The following BOC variants were observed in gnomAD, a reference collection of about 807,000 sequenced individuals.
BOC encodes the protein BOC cell adhesion associated, oncogene regulated.
BOC carries 76 observed loss-of-function variants against 112.0 expected under a neutral mutation model. The ratio of observed to expected loss-of-function variants is 0.68; its 90% confidence interval spans 0.56 to 0.82. The LOEUF (loss-of-function observed/expected upper bound fraction) is 0.82, where lower values mean the gene tolerates loss of function less well. Ranked by LOEUF, BOC falls within the 40% of genes least tolerant of loss-of-function variation. BOC has a pLI of 0.00. For missense variants in BOC, 1,309 were observed against 1,511.7 expected, an observed-to-expected ratio of 0.87 and a Z score of 2.22; for synonymous variants, 580 against 599.8, an observed-to-expected ratio of 0.97 and a Z score of 0.48.
Position 113,230,326 on chromosome 3 carries a change from A to G in BOC, c.-82+14052A>G, listed in dbSNP as rs530092593. On this transcript the variant is annotated intron_variant, in intron 2 of 19. Coordinates refer to ENST00000682979, the MANE Select transcript of BOC (RefSeq NM_001378074.1). The stretch of plus-strand genomic sequence containing the variant: ...TACATTGTGAGAATCTGCCAAACCA[A>G]TCCATCCTGAAACATGGTGGCTAGT... Among the ~76,000 whole-genome samples the G allele has an allele frequency of 4.6e-5, 7 of 152,280 alleles. No individual in the cohort carries two copies. In the South Asian group the frequency reaches 1.5e-3, roughly 32 times the overall value.
intron 2 of BOC, among the ~76,000 whole-genome samples, chr3:113,229,772 A>G (rs569186240): frequency 2.6e-5 from 4 of 152,378 alleles, no homozygotes; most frequent in South Asian, 4.1e-4. Context: ...ATGATACAGT[A>G]AGGAACATCT....
chr3:113,241,810 T>C (rs1476529677), intron 2 of BOC, among the ~76,000 whole-genome samples: 2 of 152,102 alleles, frequency 1.3e-5, no homozygotes, highest in African/African-American at 4.8e-5. Context: ...TGACTGGCAG[T>C]TGAACCCCCT....
At chr3:113,283,709 C>A in intron 16 of BOC, 77 bp downstream of exon 16, 1 of 1,396,032 alleles carries the variant, frequency 7.2e-7, no homozygotes, top group South Asian at 1.2e-5. Context: ...CTGCCTAGGT[C>A]TGTGTCCATG....
chr3:113,218,783 G>A (rs1939988946), intron 2 of BOC, among the ~76,000 whole-genome samples: 3 of 152,210 alleles, frequency 2.0e-5, no homozygotes, highest in Admixed American at 1.3e-4. Context: ...CATTCTATAG[G>A]CTTCTGTTGC....
At chr3:113,233,341 G>A (rs1388325446) in intron 2 of BOC, among the ~76,000 whole-genome samples, 2 of 152,198 alleles carry the variant, frequency 1.3e-5, no homozygotes, top group East Asian at 3.9e-4. Flanking sequence ...ATAAATGTGG[G>A]CCTAGGGCCA....
At chr3:113,236,605 A>G (rs1162982300) in intron 2 of BOC, among the ~76,000 whole-genome samples, 1 of 152,076 alleles carries the variant, frequency 6.6e-6, no homozygotes, top group African/African-American at 2.4e-5. Flanking sequence ...CACACAATGT[A>G]TCCATGTAAC....
At chr3:113,245,980 T>A (rs867444395) in intron 2 of BOC, among the ~76,000 whole-genome samples, 1 of 152,346 alleles carries the variant, frequency 6.6e-6, no homozygotes, top group Middle Eastern at 3.4e-3. Flanking sequence ...TGGGAGGAAG[T>A]GGAGCTGGCC....
intron 15 of BOC, among the ~76,000 whole-genome samples, chr3:113,283,107 C>T (rs1261514129): frequency 1.3e-5 from 2 of 152,188 alleles, no homozygotes; most frequent in African/African-American, 4.8e-5. Flanking sequence ...TTCACCAGTT[C>T]TTCCCAAAAG....
chr3:113,264,299 G>C (rs551020703), intron 4 of BOC, among the ~76,000 whole-genome samples: 2 of 152,204 alleles, frequency 1.3e-5, no homozygotes, highest in Admixed American at 6.5e-5. Context: ...AGAAGGGTGC[G>C]AGGGGAGGGA....
At position 113,279,925 on chromosome 3, in the gene BOC, G is replaced by A. The variant is rs374064359; in HGVS notation, c.2125G>A (p.Val709Met). 18 of 1,613,838 alleles carry A rather than the reference G, an allele frequency of 1.1e-5. No homozygotes were observed. The African/African-American group carries it at 1.6e-4, about 14-fold the overall frequency. ...PYVVSGYSGR[V>M]YERPVAGPYI... is the part of the protein sequence containing the mutation. ...CGTGGTGTCGGGCTACAGCGGTCGC[G>A]TGTACGAGAGGCCCGTGGCAGGTCC... The change falls in exon 13 of 20, where the codon GTG becomes ATG. Residue 709 changes from valine to methionine, a missense_variant. Transcript: ENST00000682979.
At chr3:113,251,177 T>G (rs1410182466) in intron 4 of BOC, 10 of 539,782 alleles carry the variant, frequency 1.9e-5, no homozygotes, top group Admixed American at 1.1e-4. Flanking sequence ...TGGCTGTAGG[T>G]GCACTGTCCC....
intron 2 of BOC, among the ~76,000 whole-genome samples, chr3:113,222,951 G>T (rs976995713): frequency 1.3e-5 from 2 of 152,252 alleles, no homozygotes; most frequent in African/African-American, 4.8e-5. Context: ...GCACACAGGT[G>T]ACAGACGGTC....
chr3:113,274,429 T>G lies in BOC; in HGVS notation c.1289T>G (p.Val430Gly). ...GAGCTGGCTACTGGCACACCTCCTG[T>G]ATCACCCTCCAAACTCGGCAACCCT... ...DAELATGTPPVSPSKLGNPEQ... is the reference protein window; with the variant it reads ...DAELATGTPPGSPSKLGNPEQ... Residue 430 changes from valine to glycine, a missense_variant, in exon 9 of 20, where the codon GTA becomes GGA. Physicochemically the swap from Val to Gly is moderately radical, Grantham distance 109. Transcript: ENST00000682979. The surrounding 1 kb of genome is among the most constrained non-coding windows in gnomAD (Gnocchi z 4.8). The G allele has an allele frequency of 6.3e-7, 1 of 1,595,442 alleles. No homozygotes were observed. Among genetic ancestry groups the G allele is most frequent in the South Asian group, 1.1e-5 (1 of 89,646 alleles).
chr3:113,272,615 G>C lies in BOC; in HGVS notation c.873G>C (p.Glu291Asp). Residue 291 changes from glutamate (E) to aspartate (D), a missense_variant, in exon 7 of 20, where the codon GAG becomes GAC. Transcript: ENST00000682979. ...LSNLLIDTTSEEDSGTYRCMA... is the reference protein window; with the variant it reads ...LSNLLIDTTSDEDSGTYRCMA... Reference sequence around the variant, plus strand: ...ACCTCCTCATCGACACCACCAGCGAGGAGGACTCAGGCACCTACCGCTGCA... The same window carrying C: ...ACCTCCTCATCGACACCACCAGCGACGAGGACTCAGGCACCTACCGCTGCA... 6.2e-7 allele frequency: 1 copy of C among 1,614,044 alleles called. No homozygotes were observed. The highest frequency in any genetic ancestry group is 8.5e-7 in the Non-Finnish European group (1 of 1,180,010).
intron 15 of BOC, 84 bp downstream of exon 15, chr3:113,281,237 C>G (rs913131638): frequency 6.7e-6 from 10 of 1,502,064 alleles, no homozygotes; most frequent in Non-Finnish European, 9.0e-6. Context: ...CTGTGCGGTG[C>G]TGGGCCTCTT....
chr3:113,214,662 C>G (rs1206784596), intron 1 of BOC, among the ~76,000 whole-genome samples: 3 of 152,206 alleles, frequency 2.0e-5, no homozygotes, highest in South Asian at 2.1e-4. Flanking sequence ...AGCCCTCTTG[C>G]TGTCTGGGAA....
chr3:113,250,961 C>A, intron 4 of BOC, 128 bp downstream of exon 4: 1 of 1,201,606 alleles, frequency 8.3e-7, no homozygotes, highest in Non-Finnish European at 1.2e-6. Flanking sequence ...GCAGAAATGT[C>A]AAATCAGAAC....
At chr3:113,225,918 G>A (rs893208925) in intron 2 of BOC, among the ~76,000 whole-genome samples, 5 of 152,154 alleles carry the variant, frequency 3.3e-5, no homozygotes, top group African/African-American at 4.8e-5. Context: ...TGGGACCCAT[G>A]TTCCTTATCA....
intron 2 of BOC, among the ~76,000 whole-genome samples, chr3:113,238,758 A>G (rs60070011): frequency 0.073 from 11,101 of 152,278 alleles, 598 homozygotes; most frequent in African/African-American, 0.15. Flanking sequence ...TTCCTAATCT[A>G]TGAAATGGGT....
Sources: gnomAD v4.1 joint callset for allele counts (sites outside exome capture counted in the v4.1 genomes callset) on GRCh38, gnomAD v4.1.1 for gene constraint, Gnocchi (gnomAD v3.1) non-coding constraint, MANE v1.5 for transcripts, NCBI Gene and HGNC (gene_info 2026-07-23, HGNC 2026-07-21) for gene names.